CDH18: variants seen among roughly 807,000 people sequenced by gnomAD.
CDH18 encodes cadherin-18.
Under a neutral mutation model 67.9 loss-of-function variants are expected in CDH18, and 31 were observed. That is an observed-to-expected ratio of 0.46 (90% CI 0.34 to 0.62). The LOEUF (loss-of-function observed/expected upper bound fraction) is 0.62, where lower values mean the gene tolerates loss of function less well. Among genes scored for constraint, CDH18 ranks in the 20% least tolerant of loss-of-function variants. The pLI is 0.01. For synonymous variants in CDH18, 362 were observed against 347.2 expected, an observed-to-expected ratio of 1.04 and a Z score of -0.48; for missense variants, 890 against 975.5, an observed-to-expected ratio of 0.91 and a Z score of 1.17.
At chr5:20,471,755 T>C (rs1752092080) in intron 1 of CDH18, among the ~76,000 whole-genome samples, 1 of 138,210 alleles carries the variant, frequency 7.2e-6, no homozygotes, top group Non-Finnish European at 1.5e-5. Flanking sequence ...TGAGCCAAGA[T>C]CACGCCACTG....
At chr5:19,702,637 G>C (rs568159048) in intron 5 of CDH18, among the ~76,000 whole-genome samples, 1 of 151,948 alleles carries the variant, frequency 6.6e-6, no homozygotes, top group African/African-American at 2.4e-5. Flanking sequence ...CTGTAGTGGC[G>C]TGCACCTGTA....
At chr5:19,566,602 C>T (rs1740443219) in intron 8 of CDH18, among the ~76,000 whole-genome samples, 1 of 152,130 alleles carries the variant, frequency 6.6e-6, no homozygotes, top group South Asian at 2.1e-4. Context: ...TCTTGTGAGA[C>T]TTATTCACTA....
intron 2 of CDH18, among the ~76,000 whole-genome samples, chr5:19,881,048 G>A (rs955150754): frequency 6.6e-6 from 1 of 152,158 alleles, no homozygotes; most frequent in Non-Finnish European, 1.5e-5. Context: ...CTCCAGGGAA[G>A]TGTTATTCTG....
At chr5:20,162,101 T>C (rs1735932053) in intron 2 of CDH18, among the ~76,000 whole-genome samples, 1 of 152,120 alleles carries the variant, frequency 6.6e-6, no homozygotes, top group African/African-American at 2.4e-5. Flanking sequence ...CTATAAGATT[T>C]CACACTCTGA....
At chr5:20,499,231 T>C (rs1045631262) in intron 1 of CDH18, among the ~76,000 whole-genome samples, 1 of 152,110 alleles carries the variant, frequency 6.6e-6, no homozygotes, top group Non-Finnish European at 1.5e-5. Context: ...TAAAATGGCA[T>C]GGTATTCGCA....
chr5:19,535,282 A>G (rs1181963470), intron 9 of CDH18, among the ~76,000 whole-genome samples: 1 of 152,224 alleles, frequency 6.6e-6, no homozygotes, highest in Non-Finnish European at 1.5e-5. Context: ...GGTTAAGGCA[A>G]TACTGATTTC....
intron 5 of CDH18, among the ~76,000 whole-genome samples, chr5:19,713,737 T>G (rs1039007335): frequency 2.6e-5 from 4 of 152,120 alleles, no homozygotes; most frequent in Admixed American, 6.6e-5. Flanking sequence ...TTTAGTTTCA[T>G]TTTGATTCCC....
chr5:19,820,742 T>A lies in CDH18; in HGVS notation c.228+18017A>T, dbSNP rs555193249. 2.0e-5 allele frequency among the ~76,000 whole-genome samples: 3 copies of A among 152,202 alleles called. No homozygotes were observed. In the East Asian group the frequency reaches 5.8e-4, roughly 30 times the overall value. On this transcript the variant is annotated intron_variant, in intron 3 of 12. Coordinates refer to ENST00000382275, the MANE Select transcript of CDH18 (RefSeq NM_004934.5). ...GTTGGTGAGGGTCTCATCTACTGGA[T>A]CTCACCCTGAATTGTACCACCAAAT...
chr5:19,590,507 T>TAGAC (rs1554054183), intron 7 of CDH18, among the ~76,000 whole-genome samples: 1 of 149,830 alleles, frequency 6.7e-6, no homozygotes, highest in African/African-American at 2.4e-5. Context: ...GATAGATAGA[T>TAGAC]AGACAGACAG....
chr5:19,696,582 G>C (rs1239352784), intron 5 of CDH18, among the ~76,000 whole-genome samples: 2 of 151,490 alleles, frequency 1.3e-5, no homozygotes, highest in East Asian at 3.9e-4. Flanking sequence ...TTTTAGTAGA[G>C]ACGAGGTTTC....
chr5:20,167,560 T>G (rs1220272773), intron 2 of CDH18, among the ~76,000 whole-genome samples: 1 of 152,156 alleles, frequency 6.6e-6, no homozygotes, highest in East Asian at 1.9e-4. Flanking sequence ...AAACACTTGG[T>G]GCATAGTAGG....
intron 2 of CDH18, among the ~76,000 whole-genome samples, chr5:20,048,722 T>G (rs909067055): frequency 3.3e-5 from 5 of 151,626 alleles, no homozygotes; most frequent in African/African-American, 1.2e-4. Context: ...TCCCTATTCT[T>G]GGTCTGGCCT....
At chr5:19,976,757 G>C (rs1798543516) in intron 2 of CDH18, among the ~76,000 whole-genome samples, 1 of 151,644 alleles carries the variant, frequency 6.6e-6, no homozygotes, top group Non-Finnish European at 1.5e-5. Flanking sequence ...AAATTTCAAA[G>C]GATAAGACTA....
chr5:19,942,550 C>T (rs1258789116), intron 2 of CDH18, among the ~76,000 whole-genome samples: 1 of 152,090 alleles, frequency 6.6e-6, no homozygotes, highest in South Asian at 2.1e-4. Flanking sequence ...AACTTTGATC[C>T]TTGACTTCTG....
intron 2 of CDH18, among the ~76,000 whole-genome samples, chr5:20,012,833 T>C (rs2150418079): frequency 6.6e-6 from 1 of 152,066 alleles, no homozygotes; most frequent in African/African-American, 2.4e-5. Flanking sequence ...CATTCTCACT[T>C]GTAAGTGGGA....
At chr5:20,283,663 T>C (rs1204825826) in intron 1 of CDH18, among the ~76,000 whole-genome samples, 4 of 151,998 alleles carry the variant, frequency 2.6e-5, no homozygotes, top group African/African-American at 9.7e-5. Context: ...GGAAAGTAAA[T>C]TGTCACAACC....
chr5:19,676,762 G>A (rs1164377925), intron 5 of CDH18, among the ~76,000 whole-genome samples: 2 of 151,952 alleles, frequency 1.3e-5, no homozygotes, highest in African/African-American at 4.8e-5. Context: ...CCAAGGGCAA[G>A]AAGCACACTG....
intron 1 of CDH18, among the ~76,000 whole-genome samples, chr5:20,313,895 A>G (rs943404941): frequency 6.6e-6 from 1 of 152,088 alleles, no homozygotes; most frequent in South Asian, 2.1e-4. Flanking sequence ...TATGTACTCA[A>G]AGAAGGCGAC....
chr5:20,047,569 T>C (rs900467943), intron 2 of CDH18, among the ~76,000 whole-genome samples: 1 of 151,820 alleles, frequency 6.6e-6, no homozygotes, highest in African/African-American at 2.4e-5. Context: ...CTATTTAAAA[T>C]AGAACTATAA....
Sources: allele counts gnomAD v4.1 joint callset (sites outside exome capture counted in the v4.1 genomes callset), GRCh38; gene constraint gnomAD v4.1.1; transcripts MANE v1.5; gene names NCBI Gene and HGNC (gene_info 2026-07-23, HGNC 2026-07-21).